The following ERP44 variants were observed in gnomAD, a reference collection of about 807,000 sequenced individuals.
ERP44 encodes endoplasmic reticulum protein 44.
ERP44 carries 25 observed loss-of-function variants against 53.4 expected under a neutral mutation model. The observed-to-expected ratio is 0.47, with a 90% CI of 0.34 to 0.65. ERP44 has a LOEUF of 0.65. Ranked by LOEUF, ERP44 falls within the 30% of genes least tolerant of loss-of-function variation. ERP44 has a pLI of 0.01. For missense variants in ERP44, 338 were observed against 493.2 expected (o/e 0.69, Z 2.98); for synonymous variants, 145 against 161.2 (o/e 0.90, Z 0.76).
At chr9:100,000,452 A>C (rs1041784809) in intron 10 of ERP44, among the ~76,000 whole-genome samples, 1 of 151,780 alleles carries the variant, frequency 6.6e-6, no homozygotes, top group South Asian at 2.1e-4. Context: ...AAAAAAAAAA[A>C]AACTTTCTCC....
At chr9:100,082,193 T>A (rs958695485) in intron 1 of ERP44, among the ~76,000 whole-genome samples, 3 of 152,020 alleles carry the variant, frequency 2.0e-5, no homozygotes, top group African/African-American at 7.2e-5. Flanking sequence ...ACAGGAAACA[T>A]CATAGAGCAG....
In ERP44 at chr9:100,003,781, A is replaced by G. The variant is rs918502572; in HGVS notation, c.1016+2725T>C. On this transcript the variant is annotated intron_variant, in intron 10 of 11. Transcript: ENST00000262455. ...TGGGATGAGCCTGGTGCCTGGGTCCACTGGGATAGGCTGAGTCTGTGGGAG... is the reference window on the plus strand; with the variant it reads ...TGGGATGAGCCTGGTGCCTGGGTCCGCTGGGATAGGCTGAGTCTGTGGGAG... Among the ~76,000 whole-genome samples, 3 of 152,056 alleles carry G rather than the reference A, an allele frequency of 2.0e-5. No homozygotes were observed. The South Asian group carries it at 6.2e-4, about 32-fold the overall frequency.
chr9:100,004,501 G>T (rs1019703633), intron 10 of ERP44, among the ~76,000 whole-genome samples: 1 of 152,182 alleles, frequency 6.6e-6, no homozygotes, highest in African/African-American at 2.4e-5. Flanking sequence ...CAGTTCATGG[G>T]TACCAGCCTG....
At chr9:100,070,407 A>C (rs141510185) in intron 1 of ERP44, among the ~76,000 whole-genome samples, 71 of 152,348 alleles carry the variant, frequency 4.7e-4, no homozygotes, top group African/African-American at 1.6e-3. Flanking sequence ...CAAATATTTT[A>C]ATTTAAAAGT....
chr9:100,042,720 A>C (rs1252190404), intron 4 of ERP44, among the ~76,000 whole-genome samples: 1 of 152,206 alleles, frequency 6.6e-6, no homozygotes, highest in Non-Finnish European at 1.5e-5. Context: ...ATGGAGTATT[A>C]CTAATCCATA....
chr9:99,982,840 G>A (rs1044470226), intron 11 of ERP44, 127 bp from the exon 12 acceptor site: 1 of 462,868 alleles, frequency 2.2e-6, no homozygotes, highest in Non-Finnish European at 3.7e-6. Context: ...AAAAGCAACT[G>A]TGTGCCAAAG....
At chr9:100,043,394 A>G (rs79192464) in intron 4 of ERP44, among the ~76,000 whole-genome samples, 5 of 151,804 alleles carry the variant, frequency 3.3e-5, no homozygotes, top group South Asian at 2.1e-4. Flanking sequence ...TTCGATCTCA[A>G]TCGTTTTAAA....
intron 1 of ERP44, among the ~76,000 whole-genome samples, chr9:100,072,903 C>T (rs539346469): frequency 1.2e-4 from 19 of 152,276 alleles, no homozygotes; most frequent in African/African-American, 4.6e-4. Flanking sequence ...AACCTTCAAA[C>T]GTTGAATCCT....
chr9:100,048,514 T>C (rs1437712681), intron 4 of ERP44, among the ~76,000 whole-genome samples: 5 of 151,962 alleles, frequency 3.3e-5, no homozygotes, highest in Admixed American at 3.3e-4. Context: ...CACTCCTGGA[T>C]ATATATTAAA....
chr9:99,985,035 A>G lies in ERP44; in HGVS notation c.1051T>C (p.Leu351=). 1.2e-6 allele frequency: 2 copies of G among 1,613,474 alleles called. No homozygotes were observed. Among genetic ancestry groups the G allele is most frequent in the Non-Finnish European group, 1.7e-6 (2 of 1,179,476 alleles). ...PGKLKQFVFD[L]HSGKLHREFH... is the part of the protein sequence containing the mutation. ...TCTCTGTGCAGTTTTCCAGAATGTA[A>G]GTCAAATACGAATTGCTTGAGTTTT... The change falls in exon 11 of 12, where the codon TTA becomes CTA. Residue 351 remains leucine (L), a synonymous_variant. Transcript: ENST00000262455.
In ERP44 at chr9:100,093,607, C is replaced by T. The variant is rs142808465; in HGVS notation, c.57+5177G>A. ...ACAGTGAGCCAAGATCAGGCCACTG[C>T]ACTCCAGCCTGGGCTACACAGCAAG... is the stretch of plus-strand genomic sequence containing the variant. On this transcript the variant is annotated intron_variant, in intron 1 of 11. Transcript: ENST00000262455. 3.7e-3 allele frequency among the ~76,000 whole-genome samples: 570 copies of T among 152,094 alleles called. 5 individuals are homozygous for T. The highest frequency in any genetic ancestry group is 0.013 in the African/African-American group (533 of 41,464).
chr9:100,067,810 C>G (rs375935929), intron 1 of ERP44, among the ~76,000 whole-genome samples: 1 of 151,628 alleles, frequency 6.6e-6, no homozygotes, highest in South Asian at 2.1e-4. Flanking sequence ...AGCCGCCCAT[C>G]GTCTGAGATG....
At chr9:100,056,521 T>C (rs1309070414) in intron 3 of ERP44, among the ~76,000 whole-genome samples, 1 of 152,166 alleles carries the variant, frequency 6.6e-6, no homozygotes, top group African/African-American at 2.4e-5. Context: ...CCAACTAGGA[T>C]TATAGCCTAC....
intron 1 of ERP44, among the ~76,000 whole-genome samples, chr9:100,070,019 C>G (rs1826282262): frequency 6.6e-6 from 1 of 152,164 alleles, no homozygotes; most frequent in Non-Finnish European, 1.5e-5. Context: ...GTGAACTTCT[C>G]AATGTGCGGA....
At chr9:100,005,515 A>G (rs1311245794) in intron 10 of ERP44, among the ~76,000 whole-genome samples, 4 of 152,224 alleles carry the variant, frequency 2.6e-5, no homozygotes, top group African/African-American at 9.6e-5. Flanking sequence ...ATTTCTCACT[A>G]CTTTATGGTT....
chr9:99,987,710 T>C (rs1264204641), intron 10 of ERP44, among the ~76,000 whole-genome samples: 1 of 152,200 alleles, frequency 6.6e-6, no homozygotes, highest in Non-Finnish European at 1.5e-5. Flanking sequence ...CCCTGGCAAC[T>C]GTTGACCTTC....
At chr9:100,017,048 T>C (rs146873020) in intron 7 of ERP44, among the ~76,000 whole-genome samples, 27 of 152,332 alleles carry the variant, frequency 1.8e-4, no homozygotes, top group African/African-American at 6.0e-4. Context: ...TGAAAAAGCC[T>C]TGAAACATAC....
Position 100,060,157 on chromosome 9 carries a change from T to C in ERP44, c.73A>G (p.Thr25Ala). 1 of 1,494,086 alleles carries C rather than the reference T, an allele frequency of 6.7e-7. No homozygotes were observed. The highest frequency in any genetic ancestry group is 8.9e-7 in the Non-Finnish European group (1 of 1,124,166). 92.6% of individuals were successfully genotyped at this position (1,494,086 alleles called of 1,614,324 possible). A position where few individuals can be genotyped will look rare whatever the true frequency, so the allele number is the denominator to read the frequency against. The stretch of plus-strand genomic sequence containing the variant: ...CTTGTTATTTCAGTTGTTACAGGAG[T>C]AAAAACCCAAGTTACCTGAAAATTT... The part of the protein sequence containing the change: ...SLLLLVTWVF[T>A]PVTTEITSLD... Residue 25 changes from threonine (T) to alanine (A), a missense_variant, in exon 2 of 12, where the codon ACT becomes GCT. This residue lies in a region of ERP44 where 224 missense variants were observed against 301.4 expected (regional missense o/e 0.74). Coordinates refer to ENST00000262455, the MANE Select transcript of ERP44 (RefSeq NM_015051.3).
chr9:99,987,831 A>AG (rs1349789607), intron 10 of ERP44, among the ~76,000 whole-genome samples: 1 of 152,106 alleles, frequency 6.6e-6, no homozygotes, highest in Non-Finnish European at 1.5e-5. Flanking sequence ...GTATAAAAAG[A>AG]TCTGTTCCTG....
Sources: gnomAD v4.1 joint callset for allele counts (sites outside exome capture counted in the v4.1 genomes callset) on GRCh38, gnomAD v4.1.1 for gene constraint, gnomAD v4.1.1 regional missense constraint, MANE v1.5 for transcripts, NCBI Gene and HGNC (gene_info 2026-07-23, HGNC 2026-07-21) for gene names.